INTS4: variants seen among roughly 807,000 people sequenced by gnomAD.
The protein encoded by INTS4 is MSTP093.
A neutral mutation model predicts 119.5 loss-of-function variants in INTS4; 70 were observed. The observed-to-expected ratio is 0.59, with a 90% CI of 0.48 to 0.71. INTS4 has a LOEUF of 0.71. Ranked by LOEUF, INTS4 falls within the 30% of genes least tolerant of loss-of-function variation. The pLI is 0.00. For synonymous variants in INTS4, 316 were observed against 419.6 expected (o/e 0.75, Z 3.02); for missense variants, 867 against 1,173.2 (o/e 0.74, Z 3.81).
intron 4 of INTS4, among the ~76,000 whole-genome samples, chr11:77,964,727 G>T (rs1307317370): frequency 6.6e-6 from 1 of 152,012 alleles, no homozygotes; most frequent in Non-Finnish European, 1.5e-5. Flanking sequence ...GGCAAGTGGA[G>T]GGAGGAAGGG....
intron 22 of INTS4, among the ~76,000 whole-genome samples, chr11:77,879,744 A>C (rs1951722177): frequency 6.6e-6 from 1 of 152,162 alleles, no homozygotes; most frequent in African/African-American, 2.4e-5. Context: ...ACTCCCCTCA[A>C]GTTGCCTGCT....
intron 22 of INTS4, among the ~76,000 whole-genome samples, chr11:77,881,405 T>C (rs1191183188): frequency 1.3e-5 from 2 of 152,080 alleles, no homozygotes. Flanking sequence ...TCACCTAGAT[T>C]AGGAGAAAGA....
intron 8 of INTS4, 109 bp downstream of exon 8, chr11:77,955,833 G>C (rs1954306683): frequency 2.0e-6 from 2 of 976,718 alleles, no homozygotes; most frequent in South Asian, 3.1e-5. Context: ...CAGGAGGACT[G>C]CTTGAGGCCA....
intron 19 of INTS4, among the ~76,000 whole-genome samples, chr11:77,893,535 C>T (rs890791175): frequency 1.3e-5 from 2 of 152,084 alleles, no homozygotes; most frequent in East Asian, 1.9e-4. Context: ...CTTTAGCCCA[C>T]GAGTTCAAGG....
intron 13 of INTS4, 28 bp downstream of exon 13, chr11:77,922,328 C>T (rs202075991): frequency 8.2e-5 from 125 of 1,520,988 alleles, no homozygotes; most frequent in Admixed American, 1.8e-4. Flanking sequence ...GCCAACACAT[C>T]AGGGCCCATC....
chr11:77,974,238 C>CTTTTTTTTTTTTT (rs60093605), intron 4 of INTS4, among the ~76,000 whole-genome samples: 1 of 84,334 alleles, frequency 1.2e-5, no homozygotes, highest in Non-Finnish European at 2.4e-5. Context: ...TTTTTCTTTT[C>CTTTTTTTTTTTTT]TTTTTTTTTT....
At position 77,928,480 on chromosome 11, in the gene INTS4, C is replaced by T. The variant is rs1300262010; in HGVS notation, c.1233G>A (p.Lys411=). The change falls in exon 11 of 23, where the codon AAG becomes AAA. Residue 411 remains lysine, a synonymous_variant. Transcript: ENST00000534064. ...ACATGTCAACTAGGAAATCAAGGCA[C>T]TTCTCAGCAAAAGAGGGTGAAGACT... is the stretch of plus-strand genomic sequence containing the variant. ...LAQSSPSFAE[K]CLDFLVDMFN... 17 of 1,609,254 alleles carry T rather than the reference C, an allele frequency of 1.1e-5. No homozygotes were observed. The highest frequency in any genetic ancestry group is 1.4e-5 in the Non-Finnish European group (17 of 1,177,328).
At position 77,894,251 on chromosome 11, in the gene INTS4, C is replaced by G. The variant is rs1289749711; in HGVS notation, c.2288+39G>C. 4 of 1,132,548 alleles carry G rather than the reference C, an allele frequency of 3.5e-6. No individual in the cohort carries two copies. The African/African-American group carries it at 4.7e-5, about 13-fold the overall frequency. The allele number at this position is 1,132,548 out of a possible 1,614,324, so 70.2% of individuals were successfully genotyped here. A position where few individuals can be genotyped will look rare whatever the true frequency, so the allele number is the denominator to read the frequency against. ...CCTGCAAGTGCTATACTCCATGTAA[C>G]CAAGATTTAATAAGCCAGAAGAGTT... is the stretch of plus-strand genomic sequence containing the variant. On this transcript the variant is annotated intron_variant, in intron 19 of 22. Coordinates refer to ENST00000534064, the MANE Select transcript of INTS4 (RefSeq NM_033547.4).
At chr11:77,920,924 A>C (rs1235940591) in intron 14 of INTS4, among the ~76,000 whole-genome samples, 1 of 151,358 alleles carries the variant, frequency 6.6e-6, no homozygotes, top group Non-Finnish European at 1.5e-5. Context: ...TCTAAAATAT[A>C]ATCTATTGTT....
intron 8 of INTS4, among the ~76,000 whole-genome samples, chr11:77,941,458 C>CTTT (rs35544689): frequency 0.011 from 1,476 of 138,414 alleles, 15 homozygotes; most frequent in Non-Finnish European, 0.017. Flanking sequence ...ACCTACTGTG[C>CTTT]TTTTTTTTTT....
At chr11:77,960,315 T>C in intron 6 of INTS4, 26 bp downstream of exon 6, 1 of 1,569,366 alleles carries the variant, frequency 6.4e-7, no homozygotes, top group East Asian at 2.2e-5. Flanking sequence ...CTCCAACCCC[T>C]TCCAGACAGT....
intron 1 of INTS4, among the ~76,000 whole-genome samples, chr11:77,993,206 G>A (rs1591159630): frequency 6.6e-6 from 1 of 152,162 alleles, no homozygotes. Context: ...AAGGACCTCC[G>A]ACTGGTGGGA....
intron 4 of INTS4, among the ~76,000 whole-genome samples, chr11:77,976,794 G>A (rs948391315): frequency 3.3e-5 from 5 of 152,170 alleles, no homozygotes; most frequent in Non-Finnish European, 7.3e-5. Context: ...GATGAAGCTG[G>A]AAACCATCAT....
rs773444454 is a variant in INTS4 at position 77,907,706 on chromosome 11, T to G, written c.2016+11A>C. 1 of 1,604,430 alleles carries G rather than the reference T, an allele frequency of 6.2e-7. No individual in the cohort carries two copies. The highest frequency in any genetic ancestry group is 8.5e-7 in the Non-Finnish European group (1 of 1,171,352). ...GCAACACAATCATAAATGGAATGGA[T>G]GCAAACCAACCTTGATGAGAAGTAG... On this transcript the variant is annotated intron_variant, in intron 16 of 22. Coordinates refer to ENST00000534064, the MANE Select transcript of INTS4 (RefSeq NM_033547.4).
At chr11:77,985,603 GTTA>G (rs1487007128) in intron 2 of INTS4, among the ~76,000 whole-genome samples, 3 of 152,064 alleles carry the variant, frequency 2.0e-5, no homozygotes, top group Non-Finnish European at 4.4e-5. Flanking sequence ...ACACTGTATT[GTTA>G]TTAATTCATT....
chr11:77,981,620 G>T, intron 2 of INTS4, 44 bp from the exon 3 acceptor site: 1 of 958,286 alleles, frequency 1.0e-6, no homozygotes, highest in Non-Finnish European at 1.6e-6. Context: ...TTTACACTTA[G>T]CTAACCAACA....
rs2136495902 is a variant in INTS4 at position 77,928,481 on chromosome 11, T to C, written c.1232A>G (p.Lys411Arg). 2 of 1,609,318 alleles carry C rather than the reference T, an allele frequency of 1.2e-6. No individual in the cohort carries two copies. The highest frequency in any genetic ancestry group is 2.2e-5 in the East Asian group (1 of 44,800). ...LAQSSPSFAE[K>R]CLDFLVDMFN... ...CATGTCAACTAGGAAATCAAGGCAC[T>C]TCTCAGCAAAAGAGGGTGAAGACTG... Residue 411 changes from lysine (K) to arginine (R), a missense_variant, in exon 11 of 23, where the codon AAG becomes AGG. By Grantham distance (26) the Lys-to-Arg change is conservative. Transcript: ENST00000534064.
At chr11:77,903,870 T>C (rs561313936) in intron 16 of INTS4, among the ~76,000 whole-genome samples, 2 of 152,322 alleles carry the variant, frequency 1.3e-5, no homozygotes, top group African/African-American at 4.8e-5. Context: ...TCAGTGCTTC[T>C]GGAAGCAGAG....
intron 10 of INTS4, among the ~76,000 whole-genome samples, chr11:77,933,702 G>A (rs1036327509): frequency 5.3e-5 from 8 of 151,940 alleles, no homozygotes; most frequent in African/African-American, 1.9e-4. Context: ...GGGATGTGAG[G>A]AGCCCCTCTG....
Sources: gnomAD v4.1 joint callset for allele counts (sites outside exome capture counted in the v4.1 genomes callset) on GRCh38, gnomAD v4.1.1 for gene constraint, MANE v1.5 for transcripts, NCBI Gene and HGNC (gene_info 2026-07-23, HGNC 2026-07-21) for gene names.